The following SPAG17 variants were observed in gnomAD, a reference collection of about 807,000 sequenced individuals.
SPAG17 encodes sperm associated antigen 17, also known as sperm-associated antigen 17.
A neutral mutation model predicts 273.6 loss-of-function variants in SPAG17; 169 were observed. The ratio of observed to expected loss-of-function variants is 0.62; its 90% confidence interval spans 0.55 to 0.70. The LOEUF is 0.70. SPAG17 is among the 30% of genes least tolerant of loss of function. The pLI, the probability that SPAG17 is intolerant of heterozygous loss-of-function variation, is 0.00. For missense variants in SPAG17, 2,557 were observed against 2,627.8 expected, an observed-to-expected ratio of 0.97 and a Z score of 0.59; for synonymous variants, 825 against 873.2, an observed-to-expected ratio of 0.94 and a Z score of 0.97.
chr1:117,991,943 A>G (rs920513938), intron 36 of SPAG17, among the ~76,000 whole-genome samples: 1 of 152,200 alleles, frequency 6.6e-6, no homozygotes, highest in Non-Finnish European at 1.5e-5. Flanking sequence ...TTTTTTTCAT[A>G]AGTATTTGAT....
chr1:117,987,902 G>A, intron 39 of SPAG17, 21 bp from the exon 40 acceptor site: 1 of 1,613,462 alleles, frequency 6.2e-7, no homozygotes, highest in Non-Finnish European at 8.5e-7. Flanking sequence ...GGAAAGGAAA[G>A]TATGGTGAAA....
At position 117,963,816 on chromosome 1, in the gene SPAG17, T is replaced by C; in HGVS notation, c.6655A>G (p.Lys2219Glu). 6.2e-7 allele frequency: 1 copy of C among 1,612,882 alleles called. No individual in the cohort carries two copies. Among genetic ancestry groups the C allele is most frequent in the Non-Finnish European group, 8.5e-7 (1 of 1,179,378 alleles). Residue 2219 changes from lysine to glutamate, a missense_variant, in exon 48 of 49, where the codon AAA becomes GAA. By Grantham distance (56) the Lys-to-Glu change is moderately conservative (BLOSUM62 1). Transcript: ENST00000336338. ...TACTGTACCTAATGTGGAGAAACTT[T>C]ACGAGACATGAAGACTCCAAGTGTG... is the stretch of plus-strand genomic sequence containing the variant. ...SSTLGVFMSR[K>E]VSPH
At chr1:118,015,271 CA>C (rs757554740) in intron 29 of SPAG17, among the ~76,000 whole-genome samples, 3,047 of 80,132 alleles carry the variant, frequency 0.038, 46 homozygotes, top group African/African-American at 0.084. Context: ...ACCTCTGTGT[CA>C]AAAAAAAAAA....
rs1190878740 is a variant in SPAG17 at position 118,008,029 on chromosome 1, T to A, written c.4587+15A>T. The A allele has an allele frequency of 1.2e-6, 2 of 1,613,702 alleles. No individual in the cohort carries two copies. Among genetic ancestry groups the A allele is most frequent in the Non-Finnish European group, 1.7e-6 (2 of 1,179,694 alleles). ...CACTCATCTTTGGCGCTTCTCATTT[T>A]CCTCGTAGACCTACCTGGTATGTTC... On this transcript the variant is annotated intron_variant, in intron 31 of 48. Transcript: ENST00000336338.
chr1:118,015,335 C>T (rs1216169735), intron 29 of SPAG17, among the ~76,000 whole-genome samples: 2 of 150,852 alleles, frequency 1.3e-5, no homozygotes, highest in South Asian at 2.1e-4. Context: ...AGGAGTTTTG[C>T]TTTCATATAA....
At chr1:118,146,530 C>T (rs1332738136) in intron 3 of SPAG17, among the ~76,000 whole-genome samples, 2 of 152,174 alleles carry the variant, frequency 1.3e-5, no homozygotes, top group East Asian at 3.8e-4. Context: ...GTACGGAATT[C>T]ATCTTTCCTA....
intron 48 of SPAG17, chr1:117,959,322 G>A (rs772509172): frequency 6.2e-7 from 1 of 1,612,820 alleles, no homozygotes; most frequent in East Asian, 2.2e-5. Context: ...GGCTGGTCTT[G>A]ATTATCTCAA....
chr1:118,019,110 T>G (rs12240108), intron 28 of SPAG17, among the ~76,000 whole-genome samples: 5 of 150,688 alleles, frequency 3.3e-5, no homozygotes, highest in African/African-American at 1.2e-4. Flanking sequence ...AATTATCATC[T>G]CATAGTCAAA....
At chr1:117,968,827 T>G (rs1165611098) in intron 46 of SPAG17, among the ~76,000 whole-genome samples, 1 of 152,252 alleles carries the variant, frequency 6.6e-6, no homozygotes, top group African/African-American at 2.4e-5. Flanking sequence ...CTATGCACTC[T>G]TCGCATCTGT....
chr1:117,961,710 A>G (rs571798793), intron 48 of SPAG17: 1 of 152,254 alleles, frequency 6.6e-6, no homozygotes, highest in Non-Finnish European at 1.5e-5. Flanking sequence ...AGCATAACAC[A>G]ATCACTGAAG....
At chr1:118,066,050 C>T (rs1652927368) in intron 18 of SPAG17, among the ~76,000 whole-genome samples, 1 of 152,062 alleles carries the variant, frequency 6.6e-6, no homozygotes, top group Non-Finnish European at 1.5e-5. Flanking sequence ...ATTTTAAAGT[C>T]ATTTTATGAC....
intron 40 of SPAG17, among the ~76,000 whole-genome samples, chr1:117,987,540 GT>G (rs1439300711): frequency 1.3e-5 from 2 of 152,212 alleles, no homozygotes; most frequent in Non-Finnish European, 2.9e-5. Context: ...TTATGACTGT[GT>G]TCTGCATTAA....
chr1:118,128,359 T>C (rs1570743338), intron 3 of SPAG17, among the ~76,000 whole-genome samples: 2 of 152,260 alleles, frequency 1.3e-5, no homozygotes, highest in Middle Eastern at 6.8e-3. Context: ...GACAACTTGG[T>C]TTCCCATTTT....
At chr1:118,146,538 C>T (rs994503663) in intron 3 of SPAG17, among the ~76,000 whole-genome samples, 1 of 152,116 alleles carries the variant, frequency 6.6e-6, no homozygotes, top group Non-Finnish European at 1.5e-5. Flanking sequence ...TTCATCTTTC[C>T]TATTTAGCAT....
chr1:118,154,913 G>C (rs1035931268), intron 1 of SPAG17, among the ~76,000 whole-genome samples: 47 of 152,186 alleles, frequency 3.1e-4, no homozygotes, highest in African/African-American at 1.1e-3. Flanking sequence ...AGAGCTGAGA[G>C]AAAGAAAAGA....
intron 4 of SPAG17, among the ~76,000 whole-genome samples, chr1:118,105,951 G>A (rs978569384): frequency 1.3e-5 from 2 of 152,180 alleles, no homozygotes; most frequent in Non-Finnish European, 2.9e-5. Flanking sequence ...AGACAGATAG[G>A]AGGGTCTGGG....
intron 48 of SPAG17, chr1:117,957,036 T>C: frequency 6.5e-7 from 1 of 1,530,924 alleles, no homozygotes. Context: ...TTAACAAATG[T>C]GGCATTTTTA....
intron 25 of SPAG17, 131 bp downstream of exon 25, chr1:118,031,561 A>G: frequency 1.0e-6 from 1 of 979,238 alleles, no homozygotes; most frequent in Non-Finnish European, 1.5e-6. Context: ...TTGAGACTAC[A>G]AGGGACGTTA....
chr1:118,051,635 T>C lies in SPAG17; in HGVS notation c.2814+2367A>G, dbSNP rs528776101. Among the ~76,000 whole-genome samples, 192 of 149,158 alleles carry C rather than the reference T, an allele frequency of 1.3e-3. 2 individuals are homozygous for C. Among genetic ancestry groups the C allele is most frequent in the Non-Finnish European group, 2.1e-3 (139 of 67,434 alleles). ...ATTACATTATGTACATACTGCATTATGTATTATGTATGTGTATATACACAA... is the reference window on the plus strand; with the variant it reads ...ATTACATTATGTACATACTGCATTACGTATTATGTATGTGTATATACACAA... On this transcript the variant is annotated intron_variant, in intron 20 of 48. Coordinates refer to ENST00000336338, the MANE Select transcript of SPAG17 (RefSeq NM_206996.4).
Sources: allele counts gnomAD v4.1 joint callset (sites outside exome capture counted in the v4.1 genomes callset), GRCh38; gene constraint gnomAD v4.1.1; transcripts MANE v1.5; gene names NCBI Gene and HGNC (gene_info 2026-07-23, HGNC 2026-07-21).